CSTL1: variants seen among roughly 807,000 people sequenced by gnomAD.
CSTL1 encodes the protein cystatin like 1, also known as cystatin-like 1.
A neutral mutation model predicts 14.4 loss-of-function variants in CSTL1; 14 were observed. That is an observed-to-expected ratio of 0.97 (90% CI 0.64 to 1.52). The LOEUF is 1.52. Ranked by LOEUF, CSTL1 falls within the 40% of genes most tolerant of loss-of-function variation. The pLI, the probability that CSTL1 is intolerant of heterozygous loss-of-function variation, is 0.00. For synonymous variants in CSTL1, 72 were observed against 67.5 expected, an observed-to-expected ratio of 1.07 and a Z score of -0.33; for missense variants, 170 against 168.7, an observed-to-expected ratio of 1.01 and a Z score of -0.04.
chr20:23,451,865 T>C, the CSTL1 span: 39 of 1,614,024 alleles, frequency 2.4e-5, no homozygotes, highest in Non-Finnish European at 3.2e-5. Context: ...CTCTGGCTTT[T>C]GGCAGGTGGT....
At chr20:23,459,382 A>G in the CSTL1 span, 1 of 152,206 alleles carries the variant, frequency 6.6e-6, no homozygotes, top group African/African-American at 2.4e-5. Flanking sequence ...GGTATAAAAT[A>G]GTTCTCATTC....
chr20:23,445,026 C>G, downstream of CSTL1: 1 of 656,196 alleles, frequency 1.5e-6, no homozygotes, highest in Non-Finnish European at 2.8e-6. Context: ...ACCTTCACAA[C>G]CCACACACAC....
At chr20:23,443,430 G>C (rs904614995) in intron 2 of CSTL1, among the ~76,000 whole-genome samples, 3 of 152,334 alleles carry the variant, frequency 2.0e-5, no homozygotes, top group South Asian at 2.1e-4. Flanking sequence ...ACTTGCTCAA[G>C]GTCACAGTCA....
intron 1 of CSTL1, among the ~76,000 whole-genome samples, 162 bp from the exon 2 acceptor site, chr20:23,439,982 C>T (rs886069789): frequency 2.0e-5 from 3 of 152,156 alleles, no homozygotes; most frequent in Non-Finnish European, 4.4e-5. Flanking sequence ...TTCCCTGAGA[C>T]ATGTGAAGGC....
the CSTL1 span, among the ~76,000 whole-genome samples, chr20:23,457,889 G>T: frequency 1.3e-5 from 2 of 152,190 alleles, no homozygotes; most frequent in Admixed American, 1.3e-4. Flanking sequence ...CCAAAGAAAG[G>T]CTCATTGTCT....
the CSTL1 span, among the ~76,000 whole-genome samples, chr20:23,460,882 G>A: frequency 1.3e-5 from 2 of 152,142 alleles, no homozygotes; most frequent in African/African-American, 2.4e-5. Context: ...TGGTTCCTAA[G>A]TAAGAAGACT....
intron 2 of CSTL1, chr20:23,442,502 G>A (rs773876892): frequency 2.0e-5 from 3 of 152,354 alleles, no homozygotes; most frequent in East Asian, 3.9e-4. Context: ...GTCTAATAAC[G>A]AATAACACTT....
At chr20:23,451,761 GA>G in the CSTL1 span, 3 of 1,333,366 alleles carry the variant, frequency 2.2e-6, no homozygotes, top group East Asian at 2.4e-5. Context: ...TAAAGCCACA[GA>G]AAAACCTCAC....
intron 2 of CSTL1, among the ~76,000 whole-genome samples, chr20:23,443,015 T>TAAG (rs1986871486): frequency 6.6e-6 from 1 of 152,134 alleles, no homozygotes; most frequent in African/African-American, 2.4e-5. Flanking sequence ...GGCCTCACAC[T>TAAG]TGATCACAAG....
At chr20:23,459,835 C>G in the CSTL1 span, among the ~76,000 whole-genome samples, 1 of 152,192 alleles carries the variant, frequency 6.6e-6, no homozygotes, top group East Asian at 1.9e-4. Flanking sequence ...CAGCTGCCTT[C>G]CAGCCCACTC....
the CSTL1 span, chr20:23,451,907 A>C: frequency 6.2e-7 from 1 of 1,613,792 alleles, no homozygotes; most frequent in Non-Finnish European, 8.5e-7. Flanking sequence ...GTGATACTCC[A>C]GGTGGTCAGT....
the CSTL1 span, among the ~76,000 whole-genome samples, chr20:23,453,500 G>A: frequency 1.3e-5 from 2 of 152,126 alleles, no homozygotes; most frequent in African/African-American, 4.8e-5. Flanking sequence ...GGACATTCTG[G>A]TCTCCTAAAG....
downstream of CSTL1, among the ~76,000 whole-genome samples, chr20:23,446,164 A>C (rs1029053240): frequency 1.3e-5 from 2 of 152,250 alleles, no homozygotes; most frequent in African/African-American, 4.8e-5. Context: ...CTTCTCATGC[A>C]GGAAAAGTTT....
chr20:23,457,138 G>T, the CSTL1 span, among the ~76,000 whole-genome samples: 1 of 152,144 alleles, frequency 6.6e-6, no homozygotes, highest in Admixed American at 6.5e-5. Context: ...GACTGCTCTG[G>T]TTCTTTTGGC....
chr20:23,445,573 G>A (rs1184912903), downstream of CSTL1, among the ~76,000 whole-genome samples: 2 of 152,122 alleles, frequency 1.3e-5, no homozygotes, highest in African/African-American at 2.4e-5. Context: ...GATGCAATTA[G>A]AACAGAATGT....
intron 2 of CSTL1, among the ~76,000 whole-genome samples, chr20:23,442,911 C>T (rs1600272461): frequency 6.6e-6 from 1 of 152,182 alleles, no homozygotes; most frequent in African/African-American, 2.4e-5. Flanking sequence ...GACAGGGAAC[C>T]GTAACCCCCA....
At chr20:23,461,066 C>A in the CSTL1 span, among the ~76,000 whole-genome samples, 1 of 152,136 alleles carries the variant, frequency 6.6e-6, no homozygotes, top group Non-Finnish European at 1.5e-5. Context: ...ATTGCCACAG[C>A]CAACCCAACC....
At chr20:23,455,278 T>A in the CSTL1 span, among the ~76,000 whole-genome samples, 1 of 152,158 alleles carries the variant, frequency 6.6e-6, no homozygotes, top group Non-Finnish European at 1.5e-5. Flanking sequence ...ACCACCATAG[T>A]TTTGGTCTCT....
At chr20:23,454,395 CAT>C in the CSTL1 span, among the ~76,000 whole-genome samples, 2 of 151,900 alleles carry the variant, frequency 1.3e-5, no homozygotes, top group African/African-American at 4.8e-5. Flanking sequence ...ACACAACACA[CAT>C]AGACACACCC....
Sources: allele counts gnomAD v4.1 joint callset (sites outside exome capture counted in the v4.1 genomes callset), GRCh38; gene constraint gnomAD v4.1.1; transcripts MANE v1.5; gene names NCBI Gene and HGNC (gene_info 2026-07-23, HGNC 2026-07-21).